Variants in DCLK2 observed in about 807,000 individuals in gnomAD.
The protein encoded by DCLK2 is serine/threonine-protein kinase DCLK2.
A neutral mutation model predicts 78.4 loss-of-function variants in DCLK2; 31 were observed. That is an observed-to-expected ratio of 0.40 (90% CI 0.30 to 0.53). The LOEUF is 0.53. Ranked by LOEUF, DCLK2 falls within the 20% of genes least tolerant of loss-of-function variation. The pLI, the probability that DCLK2 is intolerant of heterozygous loss-of-function variation, is 0.61. For missense variants in DCLK2, 872 were observed against 973.7 expected, an observed-to-expected ratio of 0.90 and a Z score of 1.39; for synonymous variants, 407 against 374.9, an observed-to-expected ratio of 1.09 and a Z score of -0.99.
intron 2 of DCLK2, among the ~76,000 whole-genome samples, chr4:150,189,626 T>C (rs541562959): frequency 1.3e-5 from 2 of 152,206 alleles, no homozygotes; most frequent in Admixed American, 6.5e-5. Context: ...TGCCGCCATA[T>C]AGACAGAAAA....
intron 12 of DCLK2, among the ~76,000 whole-genome samples, chr4:150,246,521 A>G (rs1743323428): frequency 6.6e-6 from 1 of 152,194 alleles, no homozygotes; most frequent in Non-Finnish European, 1.5e-5. Context: ...AGAAATTCCA[A>G]GAAAAGTTTG....
chr4:150,233,514 G>A, intron 10 of DCLK2, among the ~76,000 whole-genome samples: 1 of 152,198 alleles, frequency 6.6e-6, no homozygotes, highest in East Asian at 1.9e-4. Context: ...AGAATTAGAG[G>A]CTCATAGGAG....
At chr4:150,209,969 G>A (rs928692415) in intron 5 of DCLK2, among the ~76,000 whole-genome samples, 4 of 152,158 alleles carry the variant, frequency 2.6e-5, no homozygotes, top group Admixed American at 2.6e-4. Context: ...CAGCTACTCG[G>A]GAGGCTGAAG....
chr4:150,245,338 C>T (rs72951571), intron 12 of DCLK2, among the ~76,000 whole-genome samples: 2,691 of 152,236 alleles, frequency 0.018, 64 homozygotes, highest in African/African-American at 0.057. Context: ...CTCTGTGGAC[C>T]AGTGGGTGTC....
chr4:150,102,953 A>T, intron 2 of DCLK2, 141 bp downstream of exon 2: 1 of 662,792 alleles, frequency 1.5e-6, no homozygotes, highest in Admixed American at 3.3e-5. Context: ...GTGTGTGTGT[A>T]TGTGTGTGTG....
chr4:150,165,723 G>A (rs1736011780), intron 2 of DCLK2, among the ~76,000 whole-genome samples: 1 of 152,190 alleles, frequency 6.6e-6, no homozygotes, highest in Non-Finnish European at 1.5e-5. Context: ...TGTTACCTAG[G>A]TTCATTTTAA....
intron 1 of DCLK2, among the ~76,000 whole-genome samples, chr4:150,087,200 G>A (rs995018009): frequency 1.3e-5 from 2 of 152,158 alleles, no homozygotes; most frequent in Admixed American, 6.5e-5. Context: ...GTAAAATACC[G>A]GTTTGGTGAG....
intron 2 of DCLK2, among the ~76,000 whole-genome samples, chr4:150,184,319 A>G (rs1737742495): frequency 6.6e-6 from 1 of 152,224 alleles, no homozygotes; most frequent in Non-Finnish European, 1.5e-5. Context: ...GGACATTACT[A>G]TGTAGCCACT....
intron 2 of DCLK2, among the ~76,000 whole-genome samples, chr4:150,157,303 C>T (rs1171063957): frequency 6.6e-6 from 1 of 151,220 alleles, no homozygotes. Context: ...GTTTTTGAGA[C>T]AAGGTCTTGC....
chr4:150,183,703 C>T (rs1737697259), intron 2 of DCLK2, among the ~76,000 whole-genome samples: 1 of 151,734 alleles, frequency 6.6e-6, no homozygotes, highest in African/African-American at 2.4e-5. Flanking sequence ...AAGTAGGACC[C>T]AAGGCATTTC....
In DCLK2 at chr4:150,248,376, C is replaced by G; in HGVS notation, c.1947C>G (p.Pro649=). ...RCTAGQILSH[P]WVSDDASQEN... ...CCGCGGGACAAATCCTGAGTCACCC[C>G]TGGGTGTCAGTAAGTACCCACATTC... Residue 649 remains proline (P), a synonymous_variant, in exon 14 of 16, where the codon CCC becomes CCG. Transcript: ENST00000296550. 6.2e-7 allele frequency: 1 copy of G among 1,613,812 alleles called. No homozygotes were observed. The highest frequency in any genetic ancestry group is 8.5e-7 in the Non-Finnish European group (1 of 1,179,902).
At chr4:150,136,979 C>CTTTTTTTTTTTTTTTTTT (rs35729685) in intron 2 of DCLK2, among the ~76,000 whole-genome samples, 5 of 82,406 alleles carry the variant, frequency 6.1e-5, no homozygotes, top group African/African-American at 1.4e-4. Flanking sequence ...TCTTCTTCTT[C>CTTTTTTTTTTTTTTTTTT]TTTTTTTTTT....
chr4:150,177,605 G>A (rs1737188374), intron 2 of DCLK2, among the ~76,000 whole-genome samples: 1 of 152,170 alleles, frequency 6.6e-6, no homozygotes, highest in Non-Finnish European at 1.5e-5. Context: ...GAAAAGTAAT[G>A]ATATTAATGA....
At chr4:150,140,868 A>G (rs895286199) in intron 2 of DCLK2, among the ~76,000 whole-genome samples, 3 of 152,228 alleles carry the variant, frequency 2.0e-5, no homozygotes, top group Non-Finnish European at 2.9e-5. Context: ...TTGATTTTCA[A>G]AAGTTTTACA....
intron 1 of DCLK2, among the ~76,000 whole-genome samples, chr4:150,098,419 T>C (rs972694360): frequency 6.6e-6 from 1 of 152,244 alleles, no homozygotes; most frequent in South Asian, 2.1e-4. Flanking sequence ...GTAATAACAT[T>C]GAAGTCTAGC....
At chr4:150,239,322 G>A (rs1026271417) in intron 10 of DCLK2, among the ~76,000 whole-genome samples, 2 of 152,132 alleles carry the variant, frequency 1.3e-5, no homozygotes, top group Non-Finnish European at 2.9e-5. Flanking sequence ...GAGGTGTCGG[G>A]CACGGTAGCT....
At chr4:150,222,758 C>T (rs1035922924) in intron 7 of DCLK2, among the ~76,000 whole-genome samples, 1 of 151,580 alleles carries the variant, frequency 6.6e-6, no homozygotes, top group South Asian at 2.1e-4. Context: ...CCCAGCTACT[C>T]GGGAAGCTGA....
chr4:150,248,224 C>G, intron 13 of DCLK2, 81 bp from the exon 14 acceptor site: 1 of 1,304,808 alleles, frequency 7.7e-7, no homozygotes, highest in Non-Finnish European at 1.1e-6. Context: ...AAGTGCTTGC[C>G]ACAAACTCAG....
At chr4:150,102,937 TTGTGTGTGTGTGTGTATGTG>T in intron 2 of DCLK2, 125 bp downstream of exon 2, 1 of 848,888 alleles carries the variant, frequency 1.2e-6, no homozygotes, top group Non-Finnish European at 1.7e-6. Context: ...ATACTTGAGA[TTGTGTGTGTGTGTGTATGTG>T]TGTGTGTGTG....
Sources: allele counts gnomAD v4.1 joint callset (sites outside exome capture counted in the v4.1 genomes callset), GRCh38; gene constraint gnomAD v4.1.1; transcripts MANE v1.5; gene names NCBI Gene and HGNC (gene_info 2026-07-23, HGNC 2026-07-21).